Variants in FARS2 observed in about 807,000 individuals in gnomAD.
The protein encoded by FARS2 is phenylalanine--tRNA ligase, mitochondrial.
A neutral mutation model predicts 46.4 loss-of-function variants in FARS2; 40 were observed. The ratio of observed to expected loss-of-function variants is 0.86; its 90% CI spans 0.67 to 1.12. FARS2 has a LOEUF of 1.12. Among genes scored for constraint, FARS2 ranks in the 50% most tolerant of loss-of-function variants. The pLI is 0.00. For missense variants in FARS2, 513 were observed against 567.9 expected (o/e 0.90, Z 0.98); for synonymous variants, 234 against 214.9 (o/e 1.09, Z -0.78).
chr6:5,575,321 C>T (rs1772898618), intron 5 of FARS2, among the ~76,000 whole-genome samples: 1 of 152,136 alleles, frequency 6.6e-6, no homozygotes, highest in Non-Finnish European at 1.5e-5. Context: ...CTCCATGGAG[C>T]ATGGCAAATA....
chr6:5,588,767 G>A (rs1199889224), intron 5 of FARS2, among the ~76,000 whole-genome samples: 2 of 152,138 alleles, frequency 1.3e-5, no homozygotes, highest in African/African-American at 2.4e-5. Flanking sequence ...GTTCTTTCGC[G>A]TGCAGTTCTT....
intron 4 of FARS2, among the ~76,000 whole-genome samples, chr6:5,522,597 T>C (rs1769212976): frequency 6.6e-6 from 1 of 152,250 alleles, no homozygotes; most frequent in African/African-American, 2.4e-5. Flanking sequence ...CAATATCTTA[T>C]TTTTATCCAT....
chr6:5,648,408 C>T (rs528556031), intron 6 of FARS2, among the ~76,000 whole-genome samples: 2 of 152,302 alleles, frequency 1.3e-5, no homozygotes, highest in African/African-American at 4.8e-5. Context: ...CCTTGGTCAG[C>T]TTGTTTCTCT....
At chr6:5,691,198 C>T (rs570052525) in intron 6 of FARS2, among the ~76,000 whole-genome samples, 13 of 152,348 alleles carry the variant, frequency 8.5e-5, no homozygotes, top group African/African-American at 3.1e-4. Context: ...TCGTCAAAGT[C>T]ATTCTCCATT....
At chr6:5,656,850 A>G (rs576210569) in intron 6 of FARS2, among the ~76,000 whole-genome samples, 2 of 152,058 alleles carry the variant, frequency 1.3e-5, no homozygotes, top group Admixed American at 6.5e-5. Context: ...TGTCCGGCCA[A>G]CCTTGTTCTT....
rs760818310 is a variant in FARS2 at position 5,359,413 on chromosome 6, A to G, written c.-21-9137A>G. Among the ~76,000 whole-genome samples, 6 of 152,254 alleles carry G rather than the reference A, an allele frequency of 3.9e-5. No homozygotes were observed. The South Asian group carries it at 1.0e-3, about 26-fold the overall frequency. The stretch of plus-strand genomic sequence containing the variant: ...TAATTGTTTTAGAATTGCTTCCCTC[A>G]CTACTTTTCCCCCCATTAGACTTAT... On this transcript the variant is annotated intron_variant, in intron 1 of 6. Transcript: ENST00000274680.
intron 6 of FARS2, among the ~76,000 whole-genome samples, chr6:5,655,279 C>A (rs563736361): frequency 6.6e-6 from 1 of 152,282 alleles, no homozygotes; most frequent in African/African-American, 2.4e-5. Context: ...CCTCTCTTTC[C>A]TTGGTGTTTG....
In FARS2 at chr6:5,343,361, G is replaced by A. The variant is rs968898785; in HGVS notation, c.-21-25189G>A. Among the ~76,000 whole-genome samples, 1 of 151,958 alleles carries A rather than the reference G, an allele frequency of 6.6e-6. No individual in the cohort carries two copies. Among genetic ancestry groups the A allele is most frequent in the Non-Finnish European group, 1.5e-5 (1 of 67,988 alleles). On this transcript the variant is annotated intron_variant, in intron 1 of 6. Coordinates refer to ENST00000274680, the MANE Select transcript of FARS2 (RefSeq NM_006567.5). The surrounding 1 kb of genome is among the most constrained non-coding windows in gnomAD (Gnocchi z 4.5). ...CTAGTAGCTGGGATTACAGGTGCAC[G>A]CCACCACGCCCAGCTAATTTTTGTA...
intron 6 of FARS2, among the ~76,000 whole-genome samples, chr6:5,732,225 A>G (rs1760672418): frequency 6.6e-6 from 1 of 152,252 alleles, no homozygotes; most frequent in Non-Finnish European, 1.5e-5. Context: ...GACAGTGTCA[A>G]CAAATGGCTC....
intron 4 of FARS2, among the ~76,000 whole-genome samples, chr6:5,491,549 C>T (rs2150361756): frequency 1.3e-5 from 2 of 152,328 alleles, no homozygotes; most frequent in Middle Eastern, 6.8e-3. Flanking sequence ...TCATTAATCA[C>T]TTCCCTGTCT....
chr6:5,493,072 A>G (rs571225480), intron 4 of FARS2, among the ~76,000 whole-genome samples: 5 of 151,972 alleles, frequency 3.3e-5, no homozygotes, highest in Admixed American at 6.6e-5. Flanking sequence ...TGAGCCGCTT[A>G]TTGGCCGGTG....
chr6:5,438,122 T>C (rs2127781555), intron 4 of FARS2, among the ~76,000 whole-genome samples: 1 of 152,112 alleles, frequency 6.6e-6, no homozygotes, highest in Non-Finnish European at 1.5e-5. Flanking sequence ...GAGACATCCA[T>C]AATCTTTTCA....
intron 6 of FARS2, among the ~76,000 whole-genome samples, chr6:5,649,464 C>T (rs1052025905): frequency 2.0e-5 from 3 of 152,110 alleles, no homozygotes; most frequent in Non-Finnish European, 4.4e-5. Context: ...TTCTGGTGAC[C>T]CTTGAGGTTT....
rs545546908 is a variant in FARS2, at chr6:5,296,937, C to A, written c.-22+35277C>A. On this transcript the variant is annotated intron_variant, in intron 1 of 6. Transcript: ENST00000274680. ...TGCTTTTAGTTCTTCTGGGTACAGACCCAAACGTGGAATTGCTTGATCATA... is the reference window on the plus strand; with the variant it reads ...TGCTTTTAGTTCTTCTGGGTACAGAACCAAACGTGGAATTGCTTGATCATA... Among the ~76,000 whole-genome samples, 5 of 152,266 alleles carry A rather than the reference C, an allele frequency of 3.3e-5. No individual in the cohort carries two copies. In the South Asian group the frequency reaches 8.3e-4, roughly 25 times the overall value.
chr6:5,544,937 G>T (rs1770868874), intron 4 of FARS2, among the ~76,000 whole-genome samples: 1 of 152,182 alleles, frequency 6.6e-6, no homozygotes, highest in African/African-American at 2.4e-5. Flanking sequence ...AATGTAATCA[G>T]AAATGAAAGA....
At chr6:5,318,365 A>G (rs1769694029) in intron 1 of FARS2, among the ~76,000 whole-genome samples, 1 of 145,452 alleles carries the variant, frequency 6.9e-6, no homozygotes, top group Non-Finnish European at 1.5e-5. Flanking sequence ...TCTCAAGAAA[A>G]AGCAAACAAG....
At chr6:5,395,897 A>T (rs1355598689) in intron 2 of FARS2, among the ~76,000 whole-genome samples, 4 of 152,234 alleles carry the variant, frequency 2.6e-5, no homozygotes, top group Non-Finnish European at 5.9e-5. Context: ...GAAGAAAAAA[A>T]TTATGGGCAA....
chr6:5,348,169 C>CA (rs1561975146), intron 1 of FARS2, among the ~76,000 whole-genome samples: 1 of 152,058 alleles, frequency 6.6e-6, no homozygotes, highest in South Asian at 2.1e-4. Flanking sequence ...TTTTAGTTTT[C>CA]AAAAAAATCC....
intron 5 of FARS2, among the ~76,000 whole-genome samples, chr6:5,599,492 G>T (rs760290099): frequency 2.0e-5 from 3 of 152,200 alleles, no homozygotes; most frequent in Non-Finnish European, 2.9e-5. Context: ...TAAGTGTTTG[G>T]TAAGTTCTGA....
Sources: allele counts gnomAD v4.1 joint callset (sites outside exome capture counted in the v4.1 genomes callset), GRCh38; gene constraint gnomAD v4.1.1; non-coding constraint Gnocchi (gnomAD v3.1); transcripts MANE v1.5; gene names NCBI Gene and HGNC (gene_info 2026-07-23, HGNC 2026-07-21).